The following MACROD2 variants were observed in gnomAD, a reference collection of about 807,000 sequenced individuals.
MACROD2 encodes ADP-ribose glycohydrolase MACROD2.
Under a neutral mutation model 70.4 loss-of-function variants are expected in MACROD2, and 36 were observed. The ratio of observed to expected loss-of-function variants is 0.51; its 90% CI spans 0.39 to 0.68. MACROD2 has a LOEUF of 0.68. Ranked by LOEUF, MACROD2 falls within the 30% of genes least tolerant of loss-of-function variation. The pLI is 0.00. For missense variants in MACROD2, 496 were observed against 538.4 expected (o/e 0.92, Z 0.78); for synonymous variants, 172 against 178.8 (o/e 0.96, Z 0.30).
At chr20:15,869,841 A>G (rs1477629807) in intron 9 of MACROD2, among the ~76,000 whole-genome samples, 1 of 152,134 alleles carries the variant, frequency 6.6e-6, no homozygotes, top group African/African-American at 2.4e-5. Flanking sequence ...GCTAAAATGC[A>G]TACATTTTAT....
At chr20:15,548,381 G>A (rs2048052377) in intron 8 of MACROD2, among the ~76,000 whole-genome samples, 1 of 151,956 alleles carries the variant, frequency 6.6e-6, no homozygotes, top group Non-Finnish European at 1.5e-5. Flanking sequence ...CAAACTTAGA[G>A]ATGTGCTTTT....
intron 4 of MACROD2, among the ~76,000 whole-genome samples, chr20:14,501,153 G>A (rs2084910709): frequency 6.6e-6 from 1 of 151,524 alleles, no homozygotes; most frequent in Non-Finnish European, 1.5e-5. Context: ...TTTTTAAAAA[G>A]TTTGTATAGC....
intron 4 of MACROD2, among the ~76,000 whole-genome samples, chr20:14,504,994 TTTTTA>T (rs1310948042): frequency 1.3e-5 from 2 of 152,194 alleles, no homozygotes; most frequent in Non-Finnish European, 2.9e-5. Flanking sequence ...CTAAAATTTG[TTTTTA>T]TTTTATTATT....
chr20:14,196,425 C>T (rs2081433274), intron 3 of MACROD2, among the ~76,000 whole-genome samples: 1 of 152,156 alleles, frequency 6.6e-6, no homozygotes, highest in African/African-American at 2.4e-5. Context: ...ATTTATATGG[C>T]CAGAATTACA....
chr20:14,852,208 T>C (rs2073206775), intron 5 of MACROD2, among the ~76,000 whole-genome samples: 1 of 151,990 alleles, frequency 6.6e-6, no homozygotes, highest in African/African-American at 2.4e-5. Context: ...TGTGAGATCA[T>C]CTTGGACAGC....
At chr20:15,726,601 T>A (rs760184220) in intron 8 of MACROD2, among the ~76,000 whole-genome samples, 3 of 152,190 alleles carry the variant, frequency 2.0e-5, no homozygotes, top group Admixed American at 6.5e-5. Context: ...TGTTATTTTT[T>A]GATTTCTTAA....
At chr20:15,630,671 G>A (rs6043402) in intron 8 of MACROD2, among the ~76,000 whole-genome samples, 10,559 of 152,248 alleles carry the variant, frequency 0.069, 415 homozygotes, top group Middle Eastern at 0.11. Context: ...TAATGTTCAC[G>A]AAAATCATCA....
chr20:15,983,969 A>C (rs2066439074), intron 13 of MACROD2, among the ~76,000 whole-genome samples: 10 of 152,084 alleles, frequency 6.6e-5, no homozygotes. Flanking sequence ...ATATTTAATA[A>C]TGTTTCTTGT....
At chr20:15,710,966 C>T (rs1239987693) in intron 8 of MACROD2, among the ~76,000 whole-genome samples, 5 of 152,234 alleles carry the variant, frequency 3.3e-5, no homozygotes, top group African/African-American at 2.4e-5. Context: ...TGTTTCCTTC[C>T]GCAGCCCTTT....
chr20:14,431,711 C>A (rs751579735), intron 3 of MACROD2, among the ~76,000 whole-genome samples: 1 of 152,168 alleles, frequency 6.6e-6, no homozygotes, highest in East Asian at 1.9e-4. Flanking sequence ...AGAATTTAGA[C>A]ATTATCTGGT....
Position 14,679,100 on chromosome 20 carries a change from A to AG in MACROD2, c.302-5741dup, listed in dbSNP as rs143801982. On this transcript the variant is annotated intron_variant, in intron 4 of 17. Transcript: ENST00000684519. ...CTGCTTCTTCAAGAAACTGAGAGTA[A>AG]GGTGGGAAACAGACTTTTAGCATAT... is the stretch of plus-strand genomic sequence containing the variant. Among the ~76,000 whole-genome samples, 826 of 152,330 alleles carry AG rather than the reference A, an allele frequency of 5.4e-3. 16 individuals are homozygous for AG. Among genetic ancestry groups the AG allele is most frequent in the African/African-American group, 0.019 (784 of 41,580 alleles).
At chr20:14,718,769 T>G (rs545526560) in intron 5 of MACROD2, among the ~76,000 whole-genome samples, 2 of 152,242 alleles carry the variant, frequency 1.3e-5, no homozygotes, top group East Asian at 3.9e-4. Context: ...AATGATAAAA[T>G]AATACTCGTG....
At chr20:15,057,582 A>C (rs1352173885) in intron 5 of MACROD2, among the ~76,000 whole-genome samples, 1 of 152,182 alleles carries the variant, frequency 6.6e-6, no homozygotes, top group Non-Finnish European at 1.5e-5. Context: ...CCACCTTGCA[A>C]CCATGACACT....
chr20:15,220,417 C>T (rs912458596), intron 5 of MACROD2, among the ~76,000 whole-genome samples: 1 of 152,226 alleles, frequency 6.6e-6, no homozygotes, highest in African/African-American at 2.4e-5. Context: ...AGCATCGAGT[C>T]ACTGCAGGAA....
intron 3 of MACROD2, among the ~76,000 whole-genome samples, chr20:14,415,394 C>T (rs1349587990): frequency 2.6e-5 from 4 of 151,406 alleles, no homozygotes; most frequent in African/African-American, 4.9e-5. Context: ...ATATTTACAG[C>T]TTATTTAAAA....
At chr20:15,154,642 G>A (rs982175116) in intron 5 of MACROD2, among the ~76,000 whole-genome samples, 2 of 152,198 alleles carry the variant, frequency 1.3e-5, no homozygotes, top group African/African-American at 4.8e-5. Flanking sequence ...CCGTCTTGTT[G>A]CATCCTCACA....
At chr20:14,101,216 G>T (rs1041438226) in intron 3 of MACROD2, among the ~76,000 whole-genome samples, 6 of 151,730 alleles carry the variant, frequency 4.0e-5, no homozygotes, top group African/African-American at 1.5e-4. Context: ...TATTAAATTA[G>T]TTATCATAAG....
intron 6 of MACROD2, among the ~76,000 whole-genome samples, chr20:15,343,729 T>G (rs1259090943): frequency 6.6e-6 from 1 of 152,220 alleles, no homozygotes; most frequent in African/African-American, 2.4e-5. Flanking sequence ...ACATTCATCC[T>G]TCCTAAAAGG....
intron 8 of MACROD2, among the ~76,000 whole-genome samples, chr20:15,512,800 ACT>A (rs1455965122): frequency 2.0e-5 from 3 of 152,040 alleles, no homozygotes; most frequent in Non-Finnish European, 4.4e-5. Flanking sequence ...AGGAAATGAA[ACT>A]CTATATTAAA....
Sources: gnomAD v4.1 joint callset for allele counts (sites outside exome capture counted in the v4.1 genomes callset) on GRCh38, gnomAD v4.1.1 for gene constraint, MANE v1.5 for transcripts, NCBI Gene and HGNC (gene_info 2026-07-23, HGNC 2026-07-21) for gene names.